The following REEP6 variants were observed in gnomAD, a reference collection of about 807,000 sequenced individuals.
The protein encoded by REEP6 is receptor accessory protein 6.
In REEP6, 19 loss-of-function variants were observed where a neutral mutation model predicts 22.4. The ratio of observed to expected loss-of-function variants is 0.85; its 90% confidence interval spans 0.59 to 1.25. REEP6 has a LOEUF of 1.25. Ranked by LOEUF, REEP6 falls within the 50% of genes most tolerant of loss-of-function variation. The pLI is 0.00. For missense variants in REEP6, 273 were observed against 251.9 expected (o/e 1.08, Z -0.57); for synonymous variants, 121 against 113.6 (o/e 1.06, Z -0.41).
chr19:1,495,324 T>C lies in REEP6; in HGVS notation c.146T>C (p.Leu49Pro), dbSNP rs762490028. 16 of 1,613,386 alleles carry C rather than the reference T, an allele frequency of 9.9e-6. No individual in the cohort carries two copies. In the East Asian group the frequency reaches 3.1e-4, roughly 31 times the overall value. ...GTCACTCTGCTAAGCCTGTATCTGC[T>C]GTTCGGCTACGGAGCGTCTCTGCTG... ...GAVTLLSLYL[L>P]FGYGASLLCN... Residue 49 changes from leucine (L) to proline (P), a missense_variant, in exon 2 of 5, where the codon CTG becomes CCG. Transcript: ENST00000233596.
At position 1,496,731 on chromosome 19, in the gene REEP6, C is replaced by T. The variant is rs184504632; in HGVS notation, c.517+278C>T. 501 of 560,210 alleles carry T rather than the reference C, an allele frequency of 8.9e-4. 1 individual carries two copies. Among genetic ancestry groups the T allele is most frequent in the East Asian group, 1.9e-3 (53 of 27,906 alleles). 34.7% of individuals were successfully genotyped at this position (560,210 alleles called of 1,614,324 possible). A position where few individuals can be genotyped will look rare whatever the true frequency, so the allele number is the denominator to read the frequency against. On this transcript the variant is annotated intron_variant, in intron 4 of 4. Transcript: ENST00000233596. ...GTGTGTGTGTGTGCGCGCGCGCGCGCGTGTGTTTGAGCGTATGTTTGCTGT... is the reference window on the plus strand; with the variant it reads ...GTGTGTGTGTGTGCGCGCGCGCGCGTGTGTGTTTGAGCGTATGTTTGCTGT...
At chr19:1,495,051 C>T (rs1238424460) in intron 1 of REEP6, among the ~76,000 whole-genome samples, 1 of 152,236 alleles carries the variant, frequency 6.6e-6, no homozygotes, top group Non-Finnish European at 1.5e-5. Context: ...CCTGCCTGCC[C>T]TTGGGGAGCT....
At position 1,495,569 on chromosome 19, in the gene REEP6, C is replaced by G. The variant is rs369201976; in HGVS notation, c.310C>G (p.Leu104Val). Residue 104 changes from leucine to valine, a missense_variant, in exon 3 of 5, where the codon CTA becomes GTA. Transcript: ENST00000233596. Reference sequence around the variant, plus strand: ...TGGGCTGGCCGAGTTCTTCAGCGATCTACTCCTGTCCTGGTTCCCTTTCTA... The same window carrying G: ...TGGGCTGGCCGAGTTCTTCAGCGATGTACTCCTGTCCTGGTTCCCTTTCTA... Reference protein sequence around the residue: ...LFGLAEFFSDLLLSWFPFYYV... With the variant: ...LFGLAEFFSDVLLSWFPFYYV... The G allele has an allele frequency of 3.1e-6, 5 of 1,614,096 alleles. No homozygotes were observed. Among genetic ancestry groups the G allele is most frequent in the Non-Finnish European group, 4.2e-6 (5 of 1,180,016 alleles).
At position 1,495,214 on chromosome 19, in the gene REEP6, C is replaced by T. The variant is rs981923639; in HGVS notation, c.116-80C>T. ...AGGAGGTGACGGTTGCAGTCTTCGT[C>T]GACTGAAAGGCGGCCTGGGTACCGT... On this transcript the variant is annotated intron_variant, in intron 1 of 4. Transcript: ENST00000233596. 3.0e-5 allele frequency: 41 copies of T among 1,388,748 alleles called. No homozygotes were observed. The Admixed American group carries it at 3.0e-4, about 10-fold the overall frequency. The allele number at this position is 1,388,748 out of a possible 1,614,324, so 86.0% of individuals were successfully genotyped here. A position where few individuals can be genotyped will look rare whatever the true frequency, so the allele number is the denominator to read the frequency against.
chr19:1,494,082 T>C (rs1319635148), intron 1 of REEP6, among the ~76,000 whole-genome samples: 4 of 151,806 alleles, frequency 2.6e-5, no homozygotes, highest in African/African-American at 7.3e-5. Flanking sequence ...ATCTCGAAAA[T>C]AAATAGAAAT....
intron 4 of REEP6, chr19:1,496,704 G>A (rs1171098778): frequency 3.0e-6 from 2 of 672,984 alleles, no homozygotes; most frequent in South Asian, 3.1e-5. Context: ...TAGGAGCTGT[G>A]TGTGTGTGTG....
intron 1 of REEP6, among the ~76,000 whole-genome samples, chr19:1,494,010 G>A (rs1340347717): frequency 6.6e-6 from 1 of 152,164 alleles, no homozygotes; most frequent in African/African-American, 2.4e-5. Flanking sequence ...CCTGGGAGGC[G>A]AGCTTGTAGT....
intron 1 of REEP6, among the ~76,000 whole-genome samples, chr19:1,493,843 T>C (rs1397002113): frequency 2.0e-5 from 3 of 151,786 alleles, no homozygotes; most frequent in African/African-American, 7.3e-5. Flanking sequence ...ATCCCAGCAG[T>C]TTGGGAGGCC....
rs2084931551 is a variant in REEP6 at position 1,491,288 on chromosome 19, C to A, written c.19C>A (p.Arg7Ser). Residue 7 changes from arginine (R) to serine (S), a missense_variant, in exon 1 of 5, where the codon CGC becomes AGC. Physicochemically the swap from Arg to Ser is moderately radical, Grantham distance 110. Transcript: ENST00000233596. This position sits in a 1 kb window ranked among gnomAD's most constrained non-coding sequence, Gnocchi z 5.4. MDGLRQ[R>S]VEHFLEQRNL... ...CGGGGCCATGGACGGCCTGAGGCAG[C>A]GCGTGGAGCACTTCCTGGAGCAAAG... The A allele has an allele frequency of 9.5e-6, 14 of 1,467,966 alleles. No homozygotes were observed. Among genetic ancestry groups the A allele is most frequent in the Non-Finnish European group, 1.2e-5 (13 of 1,109,592 alleles). The allele number at this position is 1,467,966 out of a possible 1,614,324, so 90.9% of individuals were successfully genotyped here.
rs191375822 is a variant in REEP6 at position 1,495,394 on chromosome 19, G to A, written c.209+7G>A. 3 of 1,613,820 alleles carry A rather than the reference G, an allele frequency of 1.9e-6. No homozygotes were observed. In the Admixed American group the frequency reaches 5.0e-5, roughly 27 times the overall value. On this transcript the variant is annotated splice_region_variant and intron_variant, in intron 2 of 4. Coordinates refer to ENST00000233596, the MANE Select transcript of REEP6 (RefSeq NM_138393.4). The stretch of plus-strand genomic sequence containing the variant: ...TGTACCCCGCATATGCCTCGTGAGT[G>A]CACGGCTGGCTGCCCACGCGGGGGG...
In REEP6 at chr19:1,491,706, T is replaced by A. The variant is rs1287340725; in HGVS notation, c.115+322T>A. Reference sequence around the variant, plus strand: ...GGTCGGGATGCCAGTGTCCTGCGCGTTTCGCCGTCCCCCTTCCCCCGTGGA... The same window carrying A: ...GGTCGGGATGCCAGTGTCCTGCGCGATTCGCCGTCCCCCTTCCCCCGTGGA... On this transcript the variant is annotated intron_variant, in intron 1 of 4. Transcript: ENST00000233596. This position sits in a 1 kb window ranked among gnomAD's most constrained non-coding sequence, Gnocchi z 5.4. 6.6e-6 allele frequency among the ~76,000 whole-genome samples: 1 copy of A among 152,174 alleles called. No homozygotes were observed. The highest frequency in any genetic ancestry group is 1.5e-5 in the Non-Finnish European group (1 of 68,024).
intron 1 of REEP6, 51 bp from the exon 2 acceptor site, chr19:1,495,240 CGTG>C (rs2145477336): frequency 6.4e-7 from 1 of 1,566,108 alleles, no homozygotes; most frequent in East Asian, 2.2e-5. Flanking sequence ...TGGGTACCGT[CGTG>C]GGGGCTCAGC....
chr19:1,496,732 G>T (rs971198065), intron 4 of REEP6: 2 of 640,876 alleles, frequency 3.1e-6, no homozygotes, highest in East Asian at 3.0e-5. Flanking sequence ...GCGCGCGCGC[G>T]TGTGTTTGAG....
At chr19:1,496,596 C>T (rs2085009234) in intron 4 of REEP6, 143 bp downstream of exon 4, 5 of 1,090,588 alleles carry the variant, frequency 4.6e-6, no homozygotes, top group African/African-American at 3.1e-5. Flanking sequence ...ACCAGTCTTG[C>T]AGGTCCTGGC....
In REEP6 at chr19:1,497,184, C is replaced by A; in HGVS notation, c.528C>A (p.Ser176Arg). Reference protein sequence around the residue: ...AAGITRNVKPSQTPQPKDK With the variant: ...AAGITRNVKPRQTPQPKDK ...CCCCTCTCTCTGCAGTCAAGCCAAG[C>A]CAGACCCCGCAGCCGAAGGACAAGT... Residue 176 changes from serine to arginine, a missense_variant, in exon 5 of 5, where the codon AGC (serine) becomes AGA (arginine). Coordinates refer to ENST00000233596, the MANE Select transcript of REEP6 (RefSeq NM_138393.4). This position sits in a 1 kb window ranked among gnomAD's most constrained non-coding sequence, Gnocchi z 6.5. The A allele has an allele frequency of 6.7e-7, 1 of 1,493,414 alleles. No individual in the cohort carries two copies. The highest frequency in any genetic ancestry group is 8.9e-7 in the Non-Finnish European group (1 of 1,121,964). The allele number at this position is 1,493,414 out of a possible 1,614,324, so 92.5% of individuals were successfully genotyped here. A position where few individuals can be genotyped will look rare whatever the true frequency, so the allele number is the denominator to read the frequency against.
At chr19:1,496,596 C>A in intron 4 of REEP6, 143 bp downstream of exon 4, 2 of 1,090,700 alleles carry the variant, frequency 1.8e-6, no homozygotes, top group East Asian at 2.6e-5. Context: ...ACCAGTCTTG[C>A]AGGTCCTGGC....
Position 1,495,565 on chromosome 19 carries a change from C to T in REEP6, c.306C>T (p.Ser102=), listed in dbSNP as rs376134441. The change falls in exon 3 of 5, where the codon AGC becomes AGT. Residue 102 remains serine (S), a synonymous_variant. Transcript: ENST00000233596. The stretch of plus-strand genomic sequence containing the variant: ...TGTTTGGGCTGGCCGAGTTCTTCAG[C>T]GATCTACTCCTGTCCTGGTTCCCTT... ...YALFGLAEFF[S]DLLLSWFPFY... The T allele has an allele frequency of 8.7e-6, 14 of 1,614,088 alleles. No homozygotes were observed. In the East Asian group the frequency reaches 1.3e-4, roughly 15 times the overall value.
Position 1,497,078 on chromosome 19 carries a change from A to G in REEP6, c.518-96A>G. 9.4e-7 allele frequency: 1 copy of G among 1,059,872 alleles called. No homozygotes were observed. Among genetic ancestry groups the G allele is most frequent in the South Asian group, 1.7e-5 (1 of 57,802 alleles). 65.7% of individuals were successfully genotyped at this position (1,059,872 alleles called of 1,614,324 possible). On this transcript the variant is annotated intron_variant, in intron 4 of 4. Transcript: ENST00000233596. The surrounding 1 kb of genome is among the most constrained non-coding windows in gnomAD (Gnocchi z 6.5). ...TGGCTGCCCGGCCCCTCGACTTGTC[A>G]TGCTCATAGCCAGTAGCCTCAGTCC...
In REEP6 at chr19:1,497,772, C is replaced by T. The variant is rs1475134846; in HGVS notation, c.*561C>T. 1 of 470,838 alleles carries T rather than the reference C, an allele frequency of 2.1e-6. No homozygotes were observed. Among genetic ancestry groups the T allele is most frequent in the Admixed American group, 2.3e-5 (1 of 42,574 alleles). The allele number at this position is 470,838 out of a possible 1,614,324, so 29.2% of individuals were successfully genotyped here. A position where few individuals can be genotyped will look rare whatever the true frequency, so the allele number is the denominator to read the frequency against. ...CAGCGCCTCAGTGCCCGAGCTGGTCCCCTGCCATTCCGGGACCTCTCTGGA... is the reference window on the plus strand; with the variant it reads ...CAGCGCCTCAGTGCCCGAGCTGGTCTCCTGCCATTCCGGGACCTCTCTGGA... On this transcript the variant is annotated 3_prime_UTR_variant, in exon 5 of 5. Coordinates refer to ENST00000233596, the MANE Select transcript of REEP6 (RefSeq NM_138393.4). This position sits in a 1 kb window ranked among gnomAD's most constrained non-coding sequence, Gnocchi z 6.5.
Sources: allele counts gnomAD v4.1 joint callset (sites outside exome capture counted in the v4.1 genomes callset), GRCh38; gene constraint gnomAD v4.1.1; non-coding constraint Gnocchi (gnomAD v3.1); transcripts MANE v1.5; gene names NCBI Gene and HGNC (gene_info 2026-07-23, HGNC 2026-07-21).